Variants in SPAG16 observed in about 807,000 individuals in gnomAD.
SPAG16 encodes the protein sperm-associated antigen 16 protein.
Under a neutral mutation model 80.4 loss-of-function variants are expected in SPAG16, and 86 were observed. The observed-to-expected ratio is 1.07, with a 90% CI of 0.90 to 1.28. SPAG16 has a LOEUF of 1.28. Ranked by LOEUF, SPAG16 falls within the 50% of genes most tolerant of loss-of-function variation. SPAG16 has a pLI of 0.00. For synonymous variants in SPAG16, 294 were observed against 265.9 expected (o/e 1.11, Z -1.03); for missense variants, 870 against 765.3 (o/e 1.14, Z -1.61).
chr2:213,912,826 TAAAC>T (rs996676696), intron 11 of SPAG16, among the ~76,000 whole-genome samples: 3 of 152,130 alleles, frequency 2.0e-5, no homozygotes, highest in Non-Finnish European at 2.9e-5. Flanking sequence ...CTACAAATCA[TAAAC>T]AATACCCCCA....
chr2:214,228,464 T>C (rs957665205), intron 15 of SPAG16, among the ~76,000 whole-genome samples: 9 of 147,052 alleles, frequency 6.1e-5, no homozygotes, highest in Non-Finnish European at 9.1e-5. Flanking sequence ...GAAAAGAACA[T>C]AGTTAGGAGA....
intron 7 of SPAG16, among the ~76,000 whole-genome samples, chr2:213,358,414 C>A (rs560375589): frequency 1.1e-4 from 16 of 152,284 alleles, no homozygotes; most frequent in Non-Finnish European, 1.9e-4. Context: ...TAGATTTGGT[C>A]TTTTCACATA....
intron 15 of SPAG16, among the ~76,000 whole-genome samples, chr2:214,299,495 G>A (rs573384495): frequency 6.6e-6 from 1 of 151,858 alleles, no homozygotes; most frequent in African/African-American, 2.4e-5. Flanking sequence ...TCATTCGCCT[G>A]CTTCAGCCTC....
chr2:214,106,758 G>A (rs541935952), intron 13 of SPAG16, among the ~76,000 whole-genome samples: 1 of 152,134 alleles, frequency 6.6e-6, no homozygotes, highest in Non-Finnish European at 1.5e-5. Context: ...GGTAGTGAAT[G>A]AGAGTAGATG....
At chr2:213,425,420 T>C (rs1575558634) in intron 9 of SPAG16, among the ~76,000 whole-genome samples, 1 of 151,644 alleles carries the variant, frequency 6.6e-6, no homozygotes, top group Non-Finnish European at 1.5e-5. Flanking sequence ...GAGGCTGAGG[T>C]GGGTGGATTG....
chr2:213,999,843 G>C (rs2046703586), intron 12 of SPAG16, among the ~76,000 whole-genome samples: 1 of 152,214 alleles, frequency 6.6e-6, no homozygotes, highest in Non-Finnish European at 1.5e-5. Flanking sequence ...TGCCTCACTG[G>C]ATTTCAGACT....
At chr2:213,720,721 A>T in intron 10 of SPAG16, among the ~76,000 whole-genome samples, 1 of 150,980 alleles carries the variant, frequency 6.6e-6, no homozygotes, top group Admixed American at 6.6e-5. Context: ...CATGTAGCCA[A>T]GTGCCTGGCC....
intron 15 of SPAG16, among the ~76,000 whole-genome samples, chr2:214,167,097 T>C (rs1332245391): frequency 6.6e-6 from 1 of 152,160 alleles, no homozygotes; most frequent in African/African-American, 2.4e-5. Flanking sequence ...AAAGCTTAAC[T>C]CCTTGGACTT....
chr2:214,249,678 A>G (rs1690108172), intron 15 of SPAG16, among the ~76,000 whole-genome samples: 1 of 152,204 alleles, frequency 6.6e-6, no homozygotes, highest in Non-Finnish European at 1.5e-5. Context: ...GCACGTAAAC[A>G]TTTAAAACTG....
intron 6 of SPAG16, among the ~76,000 whole-genome samples, chr2:213,341,275 G>A (rs1250793107): frequency 6.6e-6 from 1 of 151,942 alleles, no homozygotes; most frequent in Admixed American, 6.6e-5. Flanking sequence ...CACAAAACTG[G>A]GTATCAAGTT....
intron 4 of SPAG16, among the ~76,000 whole-genome samples, chr2:213,314,678 A>G (rs2063329849): frequency 6.6e-6 from 1 of 151,892 alleles, no homozygotes; most frequent in Admixed American, 6.6e-5. Context: ...TATTTTATTT[A>G]TAGTATTTAA....
chr2:213,420,742 T>G (rs1328558522), intron 9 of SPAG16, among the ~76,000 whole-genome samples: 1 of 152,246 alleles, frequency 6.6e-6, no homozygotes. Context: ...ATAGAATGGC[T>G]TATGGGTTAG....
chr2:213,860,310 G>A (rs1219279954), intron 10 of SPAG16, among the ~76,000 whole-genome samples: 2 of 150,396 alleles, frequency 1.3e-5, no homozygotes, highest in Non-Finnish European at 3.0e-5. Context: ...TTGCTGAAAT[G>A]TGTGTAGAAT....
At chr2:214,332,265 CA>C (rs1310251553) in intron 15 of SPAG16, among the ~76,000 whole-genome samples, 1 of 152,114 alleles carries the variant, frequency 6.6e-6, no homozygotes, top group Non-Finnish European at 1.5e-5. Context: ...AAAAAACAAA[CA>C]AAAAAACCAT....
chr2:214,148,671 GC>G (rs1559084332), intron 14 of SPAG16, among the ~76,000 whole-genome samples: 24 of 151,848 alleles, frequency 1.6e-4, no homozygotes, highest in Non-Finnish European at 1.9e-4. Context: ...AATTATCAAT[GC>G]TAACTAACTG....
intron 3 of SPAG16, among the ~76,000 whole-genome samples, chr2:213,301,061 A>G (rs2062721912): frequency 6.6e-6 from 1 of 152,170 alleles, no homozygotes; most frequent in South Asian, 2.1e-4. Context: ...CATTACTTTT[A>G]ACGGAAAAAA....
intron 6 of SPAG16, among the ~76,000 whole-genome samples, chr2:213,343,544 A>G (rs889757290): frequency 4.6e-5 from 7 of 152,186 alleles, no homozygotes; most frequent in African/African-American, 1.4e-4. Context: ...AAGCAGAACC[A>G]GACACAGAGA....
chr2:213,668,870 G>T (rs567650141), intron 10 of SPAG16, among the ~76,000 whole-genome samples: 25 of 152,078 alleles, frequency 1.6e-4, no homozygotes, highest in African/African-American at 5.8e-4. Context: ...GGAGGGTCTC[G>T]GTCTCCTGAC....
chr2:213,897,543 A>G (rs1278609964), intron 11 of SPAG16, among the ~76,000 whole-genome samples: 1 of 152,076 alleles, frequency 6.6e-6, no homozygotes, highest in African/African-American at 2.4e-5. Flanking sequence ...ACATCCACCC[A>G]TATGCATTTC....
Sources: allele counts gnomAD v4.1 joint callset (sites outside exome capture counted in the v4.1 genomes callset), GRCh38; gene constraint gnomAD v4.1.1; transcripts MANE v1.5; gene names NCBI Gene and HGNC (gene_info 2026-07-23, HGNC 2026-07-21).